PCMTD1: variants seen among roughly 807,000 people sequenced by gnomAD.
The protein encoded by PCMTD1 is protein-L-isoaspartate (D-aspartate) O-methyltransferase domain containing 1.
A neutral mutation model predicts 37.6 loss-of-function variants in PCMTD1; 12 were observed. That is an observed-to-expected ratio of 0.32 (90% CI 0.20 to 0.52). The LOEUF (loss-of-function observed/expected upper bound fraction) is 0.52. PCMTD1 is among the 20% of genes least tolerant of loss of function. The pLI is 0.97. For synonymous variants in PCMTD1, 117 were observed against 135.8 expected (o/e 0.86, Z 0.96); for missense variants, 235 against 421.3 (o/e 0.56, Z 3.87).
At chr8:51,830,709 C>CTTTA (rs1040720127) in intron 5 of PCMTD1, among the ~76,000 whole-genome samples, 1 of 152,186 alleles carries the variant, frequency 6.6e-6, no homozygotes, top group African/African-American at 2.4e-5. Context: ...TCTCTTCAGC[C>CTTTA]TAAAGCCTTT....
chr8:51,860,676 G>GA lies in PCMTD1; in HGVS notation c.307+168dup. The stretch of plus-strand genomic sequence containing the variant: ...GTAGGTTGAGGTAAGGACTCGGAAT[G>GA]AAAAAAGATTACTACTACTTTGTGT... On this transcript the variant is annotated intron_variant, in intron 2 of 5. Transcript: ENST00000522514. 5 of 591,790 alleles carry GA rather than the reference G, an allele frequency of 8.4e-6. 1 individual carries two copies. The South Asian group carries it at 1.3e-4, about 15-fold the overall frequency. The allele number at this position is 591,790 out of a possible 1,614,324, so 36.7% of individuals were successfully genotyped here.
chr8:51,885,608 G>A (rs917481061), intron 1 of PCMTD1, among the ~76,000 whole-genome samples: 1 of 152,100 alleles, frequency 6.6e-6, no homozygotes, highest in African/African-American at 2.4e-5. Flanking sequence ...TAAAACCACT[G>A]AAAAACTCCT....
chr8:51,846,805 A>C (rs2038227854), intron 2 of PCMTD1, among the ~76,000 whole-genome samples: 1 of 152,244 alleles, frequency 6.6e-6, no homozygotes, highest in Non-Finnish European at 1.5e-5. Context: ...ATGGTTTGCC[A>C]TCTAGGAAAT....
chr8:51,828,653 C>T (rs926838858), intron 5 of PCMTD1, among the ~76,000 whole-genome samples: 4 of 152,164 alleles, frequency 2.6e-5, no homozygotes, highest in African/African-American at 9.7e-5. Context: ...ATCCATTTTC[C>T]ACTCACAATA....
chr8:51,854,785 G>A (rs1437694103), intron 2 of PCMTD1, among the ~76,000 whole-genome samples: 1 of 151,626 alleles, frequency 6.6e-6, no homozygotes, highest in African/African-American at 2.4e-5. Context: ...GATGAGGTAG[G>A]AGAATTGCTT....
chr8:51,894,044 A>G (rs1379325632), intron 1 of PCMTD1, among the ~76,000 whole-genome samples: 5 of 152,242 alleles, frequency 3.3e-5, no homozygotes, highest in Admixed American at 3.3e-4. Flanking sequence ...CAGGTTAAAC[A>G]GCTGTATGAA....
chr8:51,843,660 C>G (rs1408209115), intron 3 of PCMTD1, among the ~76,000 whole-genome samples: 2 of 151,462 alleles, frequency 1.3e-5, no homozygotes, highest in African/African-American at 2.4e-5. Context: ...GGTCTTCAAA[C>G]TTATTTGTGT....
chr8:51,850,508 T>C (rs530088660), intron 2 of PCMTD1, among the ~76,000 whole-genome samples: 37 of 152,306 alleles, frequency 2.4e-4, no homozygotes, highest in Middle Eastern at 3.4e-3. Context: ...CAGATAATCC[T>C]AACATGCAAC....
At chr8:51,845,820 C>T in intron 2 of PCMTD1, 57 bp from the exon 3 acceptor site, 2 of 1,221,532 alleles carry the variant, frequency 1.6e-6, no homozygotes. Flanking sequence ...TTACAGAGCT[C>T]TTTTTTAAGT....
intron 5 of PCMTD1, among the ~76,000 whole-genome samples, chr8:51,829,956 A>T (rs1469305775): frequency 2.0e-5 from 3 of 152,136 alleles, no homozygotes; most frequent in Admixed American, 1.3e-4. Flanking sequence ...CTTTTTGGTA[A>T]AGAATTTTAC....
At chr8:51,867,237 T>C (rs1212043441) in intron 1 of PCMTD1, among the ~76,000 whole-genome samples, 1 of 152,114 alleles carries the variant, frequency 6.6e-6, no homozygotes, top group Non-Finnish European at 1.5e-5. Context: ...TGTGAACTGT[T>C]GGTGGAAATG....
intron 1 of PCMTD1, among the ~76,000 whole-genome samples, chr8:51,882,604 A>G (rs1318609627): frequency 6.6e-6 from 1 of 152,088 alleles, no homozygotes; most frequent in Non-Finnish European, 1.5e-5. Context: ...AATGCCTTAT[A>G]ACAAAGATAT....
At chr8:51,826,509 TTAAAA>T (rs2037923428) in intron 5 of PCMTD1, among the ~76,000 whole-genome samples, 1 of 152,094 alleles carries the variant, frequency 6.6e-6, no homozygotes, top group South Asian at 2.1e-4. Flanking sequence ...ACCCCAGAAC[TTAAAA>T]TATAATAAAA....
intron 3 of PCMTD1, among the ~76,000 whole-genome samples, chr8:51,841,062 T>C (rs575418390): frequency 6.6e-6 from 1 of 152,252 alleles, no homozygotes; most frequent in South Asian, 2.1e-4. Context: ...GAAAGAAATA[T>C]TAGAATAAAT....
intron 1 of PCMTD1, among the ~76,000 whole-genome samples, chr8:51,873,897 C>A (rs760336891): frequency 6.7e-6 from 1 of 148,382 alleles, no homozygotes; most frequent in African/African-American, 2.5e-5. Flanking sequence ...TCAGGTATTT[C>A]TTTTTTTTTT....
chr8:51,873,902 TTTTTTCTTTTTC>T (rs550662534), intron 1 of PCMTD1, among the ~76,000 whole-genome samples: 66 of 151,976 alleles, frequency 4.3e-4, no homozygotes, highest in African/African-American at 1.4e-3. Context: ...TATTTCTTTT[TTTTTTCTTTTTC>T]TTTTTCTTTT....
chr8:51,827,122 T>G, intron 5 of PCMTD1: 1 of 1,009,428 alleles, frequency 9.9e-7, no homozygotes, highest in Non-Finnish European at 1.2e-6. Flanking sequence ...CAAAAACTTA[T>G]TCTCCATACA....
intron 2 of PCMTD1, among the ~76,000 whole-genome samples, chr8:51,848,148 A>G (rs1275616720): frequency 1.3e-5 from 2 of 152,062 alleles, no homozygotes; most frequent in Admixed American, 6.6e-5. Context: ...ACATGTTTAT[A>G]AAAAAAGAAA....
chr8:51,849,055 G>C (rs1016843219), intron 2 of PCMTD1: 1 of 152,026 alleles, frequency 6.6e-6, no homozygotes, highest in South Asian at 2.1e-4. Flanking sequence ...ACTCACATTT[G>C]GTATCTGTAT....
Sources: gnomAD v4.1 joint callset for allele counts (sites outside exome capture counted in the v4.1 genomes callset) on GRCh38, gnomAD v4.1.1 for gene constraint, MANE v1.5 for transcripts, NCBI Gene and HGNC (gene_info 2026-07-23, HGNC 2026-07-21) for gene names.